PALLD: variants seen among roughly 807,000 people sequenced by gnomAD.
The protein encoded by PALLD is palladin, cytoskeletal associated protein.
Under a neutral mutation model 123.5 loss-of-function variants are expected in PALLD, and 61 were observed. The observed-to-expected ratio is 0.49, with a 90% confidence interval of 0.40 to 0.61. The LOEUF (loss-of-function observed/expected upper bound fraction) is 0.61. Ranked by LOEUF, PALLD falls within the 20% of genes least tolerant of loss-of-function variation. PALLD has a pLI of 0.00. For missense variants in PALLD, 1,273 were observed against 1,377.0 expected (o/e 0.92, Z 1.20); for synonymous variants, 465 against 496.4 (o/e 0.94, Z 0.84).
At chr4:168,557,032 T>TTTTTGTTTTG (rs56127507) in intron 2 of PALLD, among the ~76,000 whole-genome samples, 20,767 of 150,554 alleles carry the variant, frequency 0.14, 1,561 homozygotes, top group South Asian at 0.23. Flanking sequence ...TTTCCACTTG[T>TTTTTGTTTTG]TTTTGTTTTG....
intron 2 of PALLD, among the ~76,000 whole-genome samples, chr4:168,624,577 A>T (rs1406930302): frequency 1.3e-5 from 2 of 152,220 alleles, no homozygotes; most frequent in African/African-American, 4.8e-5. Flanking sequence ...GTTATTTAAC[A>T]TCATACTAGA....
rs146627152 is a variant in PALLD, at chr4:168,757,611, A to G, written c.1964+45688A>G. ...GAAATCTCAGGACAGTTCCATGTCC[A>G]TCTGTAATTAGACCTCATGGCCAGA... On this transcript the variant is annotated intron_variant, in intron 10 of 21. Coordinates refer to ENST00000505667, the MANE Select transcript of PALLD (RefSeq NM_001166108.2). Among the ~76,000 whole-genome samples the G allele has an allele frequency of 3.0e-3, 462 of 152,358 alleles. 4 individuals are homozygous for G. Among genetic ancestry groups the G allele is most frequent in the Middle Eastern group, 6.8e-3 (2 of 294 alleles).
intron 10 of PALLD, chr4:168,843,956 A>G (rs1235504484): frequency 6.6e-6 from 1 of 152,218 alleles, no homozygotes; most frequent in Non-Finnish European, 1.5e-5. Flanking sequence ...ACAGCTTTAT[A>G]GCATATCTAC....
intron 2 of PALLD, among the ~76,000 whole-genome samples, chr4:168,548,081 C>G (rs1333604853): frequency 6.6e-6 from 1 of 151,966 alleles, no homozygotes; most frequent in Non-Finnish European, 1.5e-5. Context: ...TCAGGCTCAG[C>G]ACAATTAATT....
At chr4:168,922,812 T>G (rs1172645795) in intron 18 of PALLD, among the ~76,000 whole-genome samples, 21 of 152,208 alleles carry the variant, frequency 1.4e-4, no homozygotes, top group Non-Finnish European at 8.8e-5. Context: ...TAAATATGCC[T>G]TTTGATCACA....
intron 10 of PALLD, among the ~76,000 whole-genome samples, chr4:168,739,644 T>C (rs1233753391): frequency 1.3e-5 from 2 of 152,188 alleles, no homozygotes; most frequent in African/African-American, 4.8e-5. Flanking sequence ...TCCTTACACA[T>C]TCTATGCATG....
intron 2 of PALLD, among the ~76,000 whole-genome samples, chr4:168,620,436 C>T (rs1774656056): frequency 6.6e-6 from 1 of 152,114 alleles, no homozygotes; most frequent in Admixed American, 6.5e-5. Context: ...ACCTGGGCGA[C>T]AGAGTGAGAT....
chr4:168,681,264 A>T, intron 3 of PALLD, 68 bp from the exon 4 acceptor site: 1 of 921,372 alleles, frequency 1.1e-6, no homozygotes, highest in Non-Finnish European at 1.8e-6. Context: ...AGGGAAATAT[A>T]ATTCTTTGCA....
chr4:168,706,814 T>G (rs1452880153), intron 8 of PALLD, among the ~76,000 whole-genome samples: 1 of 152,180 alleles, frequency 6.6e-6, no homozygotes, highest in African/African-American at 2.4e-5. Context: ...AGTTTGATAA[T>G]ACTTGGACAA....
intron 5 of PALLD, among the ~76,000 whole-genome samples, chr4:168,683,429 T>C (rs1280862795): frequency 6.6e-6 from 1 of 152,232 alleles, no homozygotes; most frequent in African/African-American, 2.4e-5. Flanking sequence ...TGCTCTTTCA[T>C]ATAGCCAAAT....
intron 2 of PALLD, among the ~76,000 whole-genome samples, chr4:168,512,759 A>G (rs1052502760): frequency 1.3e-5 from 2 of 152,216 alleles, no homozygotes; most frequent in African/African-American, 4.8e-5. Context: ...GTGTGTGTAT[A>G]TTTGAATATG....
At chr4:168,896,007 C>G (rs1246140321) in intron 12 of PALLD, among the ~76,000 whole-genome samples, 1 of 152,160 alleles carries the variant, frequency 6.6e-6, no homozygotes, top group Admixed American at 6.5e-5. Context: ...GTCAGGAGTT[C>G]AAGACCAGCC....
chr4:168,663,835 A>G (rs1779362862), intron 2 of PALLD, among the ~76,000 whole-genome samples: 1 of 152,234 alleles, frequency 6.6e-6, no homozygotes. Context: ...ACTAGAAATC[A>G]ACTACTTCTT....
chr4:168,903,024 G>T (rs1391487348), intron 14 of PALLD, among the ~76,000 whole-genome samples: 2 of 152,114 alleles, frequency 1.3e-5, no homozygotes, highest in Non-Finnish European at 2.9e-5. Context: ...CTCCCAAAGT[G>T]CTGGGATTAT....
chr4:168,783,119 A>G (rs1736188860), intron 10 of PALLD, among the ~76,000 whole-genome samples: 1 of 151,720 alleles, frequency 6.6e-6, no homozygotes, highest in African/African-American at 2.4e-5. Flanking sequence ...ATAAAACCAT[A>G]TATTCATGGT....
At chr4:168,628,995 C>G (rs577556769) in intron 2 of PALLD, among the ~76,000 whole-genome samples, 1 of 149,240 alleles carries the variant, frequency 6.7e-6, no homozygotes, top group Admixed American at 6.7e-5. Flanking sequence ...AGACGAAGCC[C>G]AGTTATTGTT....
chr4:168,708,007 A>G (rs1463397202), intron 8 of PALLD, among the ~76,000 whole-genome samples: 1 of 152,188 alleles, frequency 6.6e-6, no homozygotes, highest in Non-Finnish European at 1.5e-5. Context: ...ACAGTATGTC[A>G]TATCACAAAA....
intron 10 of PALLD, among the ~76,000 whole-genome samples, chr4:168,888,111 T>A (rs972653737): frequency 1.3e-5 from 2 of 152,144 alleles, no homozygotes; most frequent in Non-Finnish European, 2.9e-5. Context: ...TTGGGAAAAC[T>A]AGCAAACTAT....
chr4:168,719,378 C>T (rs544652256), intron 10 of PALLD, among the ~76,000 whole-genome samples: 4 of 151,078 alleles, frequency 2.6e-5, no homozygotes, highest in South Asian at 4.2e-4. Flanking sequence ...CTGCCTCAGC[C>T]TCCCAAGTAG....
Sources: allele counts gnomAD v4.1 joint callset (sites outside exome capture counted in the v4.1 genomes callset), GRCh38; gene constraint gnomAD v4.1.1; transcripts MANE v1.5; gene names NCBI Gene and HGNC (gene_info 2026-07-23, HGNC 2026-07-21).